The following CFTR variants were observed in gnomAD, a reference collection of about 807,000 sequenced individuals.
CFTR encodes CF transmembrane conductance regulator.
In CFTR, 181 loss-of-function variants were observed where a neutral mutation model predicts 171.6. That is an observed-to-expected ratio of 1.05 (90% CI 0.93 to 1.19). The LOEUF (loss-of-function observed/expected upper bound fraction) is 1.19. Among genes scored for constraint, CFTR ranks in the 50% most tolerant of loss-of-function variants. CFTR has a pLI of 0.00. For missense variants in CFTR, 1,968 were observed against 1,734.7 expected (o/e 1.13, Z -2.39); for synonymous variants, 583 against 608.0 (o/e 0.96, Z 0.60).
intron 11 of CFTR, among the ~76,000 whole-genome samples, chr7:117,568,758 C>T (rs1460201134): frequency 6.6e-6 from 1 of 152,100 alleles, no homozygotes; most frequent in Non-Finnish European, 1.5e-5. Context: ...GCAGTGAGAA[C>T]ATCAGGCTCT....
chr7:117,589,818 A>C lies in CFTR; in HGVS notation c.1680-535A>C, dbSNP rs572053771. Among the ~76,000 whole-genome samples, 433 of 152,164 alleles carry C rather than the reference A, an allele frequency of 2.8e-3. 3 individuals are homozygous for C. The highest frequency in any genetic ancestry group is 0.01 in the African/African-American group (421 of 41,562). Reference sequence around the variant, plus strand: ...AGAAAAACATTTTAAAAATAATTTCACATAAGTAATGTAATTTATTAGCTG... The same window carrying C: ...AGAAAAACATTTTAAAAATAATTTCCCATAAGTAATGTAATTTATTAGCTG... On this transcript the variant is annotated intron_variant, in intron 12 of 26. Transcript: ENST00000003084.
chr7:117,496,022 T>C (rs1798230894), intron 1 of CFTR, among the ~76,000 whole-genome samples: 1 of 152,190 alleles, frequency 6.6e-6, no homozygotes, highest in Non-Finnish European at 1.5e-5. Flanking sequence ...TTAGCAGTCA[T>C]TCCTTATTCC....
chr7:117,513,447 A>AG (rs1798552533), intron 3 of CFTR, among the ~76,000 whole-genome samples: 1 of 151,566 alleles, frequency 6.6e-6, no homozygotes, highest in African/African-American at 2.4e-5. Context: ...GAAAAAAAAA[A>AG]AAAAGGTCTA....
intron 3 of CFTR, among the ~76,000 whole-genome samples, chr7:117,528,046 C>T (rs984932382): frequency 5.9e-5 from 8 of 135,372 alleles, no homozygotes; most frequent in Non-Finnish European, 1.1e-4. Flanking sequence ...AAAAAGAGCC[C>T]GCATCGCCAA....
At chr7:117,487,894 G>C (rs926896636) in intron 1 of CFTR, 1 of 152,134 alleles carries the variant, frequency 6.6e-6, no homozygotes, top group Non-Finnish European at 1.5e-5. Flanking sequence ...GTCCAGCATT[G>C]GTTATGGGTG....
intron 21 of CFTR, among the ~76,000 whole-genome samples, chr7:117,617,619 A>G (rs75082645): frequency 0.02 from 3,044 of 151,602 alleles, 50 homozygotes; most frequent in Non-Finnish European, 0.03. Context: ...ACCAGGAAGA[A>G]TTTTCTCATT....
At chr7:117,631,742 T>C (rs1169737298) in intron 22 of CFTR, among the ~76,000 whole-genome samples, 1 of 152,190 alleles carries the variant, frequency 6.6e-6, no homozygotes, top group Non-Finnish European at 1.5e-5. Context: ...TATCCGTTTA[T>C]AATAAACTGG....
chr7:117,639,839 G>T (rs1792884470), intron 22 of CFTR, among the ~76,000 whole-genome samples: 1 of 152,096 alleles, frequency 6.6e-6, no homozygotes, highest in South Asian at 2.1e-4. Context: ...ACACATAAAA[G>T]ATTCAATTAT....
chr7:117,596,448 C>T (rs2116043750), intron 15 of CFTR, among the ~76,000 whole-genome samples: 1 of 152,360 alleles, frequency 6.6e-6, no homozygotes, highest in East Asian at 1.9e-4. Flanking sequence ...CCGCCCCCTG[C>T]TCCACGGCAC....
In CFTR at chr7:117,614,827, A is replaced by G. The variant is rs1189353439; in HGVS notation, c.3468+114A>G. On this transcript the variant is annotated intron_variant, in intron 21 of 26. Transcript: ENST00000003084. ...GTATATTGAGCTTAAGAAATAAAAC[A>G]TTACAGATAAATTGAGGGTCACTGT... 5.5e-6 allele frequency: 4 copies of G among 725,650 alleles called. 1 individual carries two copies. The highest frequency in any genetic ancestry group is 1.8e-5 in the African/African-American group (1 of 57,092). 45.0% of individuals were successfully genotyped at this position (725,650 alleles called of 1,614,324 possible).
At chr7:117,648,677 C>T (rs1158951024) in intron 23 of CFTR, among the ~76,000 whole-genome samples, 1 of 152,114 alleles carries the variant, frequency 6.6e-6, no homozygotes, top group East Asian at 1.9e-4. Context: ...AGGGCCTTGA[C>T]TGTTTCATTT....
At chr7:117,497,414 A>G (rs1798256940) in intron 1 of CFTR, among the ~76,000 whole-genome samples, 1 of 152,230 alleles carries the variant, frequency 6.6e-6, no homozygotes, top group African/African-American at 2.4e-5. Context: ...AATAATGTAC[A>G]GACATAATGC....
At chr7:117,494,118 C>T (rs534151002) in intron 1 of CFTR, among the ~76,000 whole-genome samples, 1 of 152,194 alleles carries the variant, frequency 6.6e-6, no homozygotes, top group African/African-American at 2.4e-5. Flanking sequence ...GCATCAGTTT[C>T]AGTATTATCC....
At chr7:117,574,839 A>G (rs1450142573) in intron 11 of CFTR, among the ~76,000 whole-genome samples, 1 of 152,116 alleles carries the variant, frequency 6.6e-6, no homozygotes, top group African/African-American at 2.4e-5. Context: ...AAATTTACAT[A>G]AATTGTATAA....
At position 117,536,571 on chromosome 7, in the gene CFTR, G is replaced by A. The variant is rs1443021352; in HGVS notation, c.767G>A (p.Ser256Asn). The part of the protein sequence containing the change: ...KYRDQRAGKI[S>N]ERLVITSEMI... ...AGAGATCAGAGAGCTGGGAAGATCA[G>A]TGAAAGACTTGTGATTACCTCAGAA... Residue 256 changes from serine (S) to asparagine (N), a missense_variant, in exon 7 of 27, where the codon AGT becomes AAT. Coordinates refer to ENST00000003084, the MANE Select transcript of CFTR (RefSeq NM_000492.4). 6.3e-7 allele frequency: 1 copy of A among 1,599,614 alleles called. No individual in the cohort carries two copies. Among genetic ancestry groups the A allele is most frequent in the Non-Finnish European group, 8.5e-7 (1 of 1,171,888 alleles).
intron 20 of CFTR, among the ~76,000 whole-genome samples, chr7:117,612,030 TATATATATATATATATATATATAC>T (rs1447704530): frequency 1.6e-4 from 12 of 75,308 alleles, no homozygotes; most frequent in East Asian, 5.4e-4. Flanking sequence ...TATGTATATA[TATATATATATATATATATATATAC>T]ATATATATAT....
intron 11 of CFTR, among the ~76,000 whole-genome samples, chr7:117,562,907 G>C (rs1791538390): frequency 6.6e-6 from 1 of 152,140 alleles, no homozygotes; most frequent in Admixed American, 6.6e-5. Flanking sequence ...GGTTGGTGCA[G>C]GGTATCATCA....
intron 9 of CFTR, among the ~76,000 whole-genome samples, chr7:117,543,998 A>C (rs1799098502): frequency 6.6e-6 from 1 of 152,134 alleles, no homozygotes; most frequent in African/African-American, 2.4e-5. Flanking sequence ...GGAATTTCCT[A>C]ATCTTCCAAC....
rs373196704 is a variant in CFTR at position 117,592,853 on chromosome 7, G to A, written c.2490+196G>A. ...TAACAAATGATTTCTTTTTGCAATG[G>A]ACATATCTCTTCCCATAAAATGGGA... On this transcript the variant is annotated intron_variant, in intron 14 of 26. Coordinates refer to ENST00000003084, the MANE Select transcript of CFTR (RefSeq NM_000492.4). Among the ~76,000 whole-genome samples, 18 of 152,230 alleles carry A rather than the reference G, an allele frequency of 1.2e-4. No individual in the cohort carries two copies. In the East Asian group the frequency reaches 2.9e-3, roughly 24 times the overall value.
Sources: gnomAD v4.1 joint callset for allele counts (sites outside exome capture counted in the v4.1 genomes callset) on GRCh38, gnomAD v4.1.1 for gene constraint, MANE v1.5 for transcripts, NCBI Gene and HGNC (gene_info 2026-07-23, HGNC 2026-07-21) for gene names.